SEZ6: variants seen among roughly 807,000 people sequenced by gnomAD.
The protein encoded by SEZ6 is seizure protein 6 homolog.
A neutral mutation model predicts 101.0 loss-of-function variants in SEZ6; 53 were observed. The ratio of observed to expected loss-of-function variants is 0.52; its 90% CI spans 0.42 to 0.66. The LOEUF (loss-of-function observed/expected upper bound fraction) is 0.66. SEZ6 is among the 30% of genes least tolerant of loss of function. SEZ6 has a pLI of 0.00. For missense variants in SEZ6, 1,102 were observed against 1,289.4 expected, an observed-to-expected ratio of 0.85 and a Z score of 2.23; for synonymous variants, 488 against 512.2, an observed-to-expected ratio of 0.95 and a Z score of 0.64.
Position 29,005,838 on chromosome 17 carries a change from G to T in SEZ6, c.32C>A (p.Ser11Ter). 6.7e-7 allele frequency: 1 copy of T among 1,486,370 alleles called. No individual in the cohort carries two copies. The highest frequency in any genetic ancestry group is 8.9e-7 in the Non-Finnish European group (1 of 1,118,902). The allele number at this position is 1,486,370 out of a possible 1,614,324, so 92.1% of individuals were successfully genotyped here. MRPVALLLLP[S>*]LLALLAHGLS... Reference sequence around the variant, plus strand: ...ACCGTGAGCCAGGAGCGCCAGCAGCGAGGGCAGGAGCAGCAGGGCTACCGG... The same window carrying T: ...ACCGTGAGCCAGGAGCGCCAGCAGCTAGGGCAGGAGCAGCAGGGCTACCGG... Residue 11 changes from serine (S) to a stop codon, truncating the protein, a stop_gained, in exon 1 of 17, where the codon TCG (serine) becomes TAG (stop). Coordinates refer to ENST00000317338, the MANE Select transcript of SEZ6 (RefSeq NM_178860.5). LOFTEE classifies it high-confidence loss of function. This position sits in a 1 kb window ranked among gnomAD's most constrained non-coding sequence, Gnocchi z 4.8.
At chr17:28,987,362 GC>G in intron 1 of SEZ6, among the ~76,000 whole-genome samples, 1 of 152,060 alleles carries the variant, frequency 6.6e-6, no homozygotes, top group East Asian at 1.9e-4. Flanking sequence ...GCCCAGCCCT[GC>G]CCTCTGTACT....
intron 14 of SEZ6, 54 bp downstream of exon 14, chr17:28,956,665 G>A (rs545443895): frequency 2.7e-5 from 42 of 1,550,374 alleles, no homozygotes; most frequent in African/African-American, 1.6e-4. Context: ...CCTGGGAGCC[G>A]TGAGAACCAG....
chr17:28,969,606 A>G (rs1184478256), intron 4 of SEZ6, 151 bp downstream of exon 4: 16 of 701,538 alleles, frequency 2.3e-5, no homozygotes, highest in Admixed American at 8.6e-5. Flanking sequence ...CTTACCTCCA[A>G]TTGTCCAGAG....
chr17:28,997,503 G>T (rs1249859670), intron 1 of SEZ6, among the ~76,000 whole-genome samples: 9 of 152,180 alleles, frequency 5.9e-5, no homozygotes, highest in Non-Finnish European at 1.0e-4. Context: ...CCTCTGCATT[G>T]CTAGTCTCAC....
intron 2 of SEZ6, among the ~76,000 whole-genome samples, 200 bp from the exon 3 acceptor site, chr17:28,980,013 T>A (rs1160260398): frequency 4.0e-5 from 6 of 151,706 alleles, no homozygotes; most frequent in Non-Finnish European, 2.9e-5. Flanking sequence ...AATCTTTTTT[T>A]TTTTTTTGTA....
Position 28,957,656 on chromosome 17 carries a change from C to T in SEZ6, c.2303-117G>A, listed in dbSNP as rs529832075. On this transcript the variant is annotated intron_variant, in intron 11 of 16. Coordinates refer to ENST00000317338, the MANE Select transcript of SEZ6 (RefSeq NM_178860.5). ...TCATGTCGTATGGGTCTACCCCCTA[C>T]GTATCTGTCCCTACCATTATGCTAG... 1.8e-4 allele frequency: 199 copies of T among 1,134,592 alleles called. No individual in the cohort carries two copies. The African/African-American group carries it at 2.6e-3, about 15-fold the overall frequency. 70.3% of individuals were successfully genotyped at this position (1,134,592 alleles called of 1,614,324 possible). A position where few individuals can be genotyped will look rare whatever the true frequency, so the allele number is the denominator to read the frequency against.
Position 29,005,935 on chromosome 17 carries a change from T to G in SEZ6, c.-66A>C. 1.0e-5 allele frequency: 12 copies of G among 1,191,060 alleles called. No individual in the cohort carries two copies. The highest frequency in any genetic ancestry group is 1.3e-5 in the Non-Finnish European group (12 of 907,104). The allele number at this position is 1,191,060 out of a possible 1,614,324, so 73.8% of individuals were successfully genotyped here. ...GGAGGGCGGGGGGCTTGGTGGGGCT[T>G]GGGCGCGGGGGCAGAGCCGGGTCCG... is the stretch of plus-strand genomic sequence containing the variant. On this transcript the variant is annotated 5_prime_UTR_variant, in exon 1 of 17. Transcript: ENST00000317338. This position sits in a 1 kb window ranked among gnomAD's most constrained non-coding sequence, Gnocchi z 4.8.
In SEZ6 at chr17:28,960,546, TCAG is replaced by T; in HGVS notation, c.1532_1534del (p.Thr511_Asp512delinsAsn). 6.3e-7 allele frequency: 1 copy of T among 1,593,740 alleles called. No homozygotes were observed. The highest frequency in any genetic ancestry group is 8.5e-7 in the Non-Finnish European group (1 of 1,170,592). On this transcript the variant is annotated inframe_deletion, in exon 7 of 17. Coordinates refer to ENST00000317338, the MANE Select transcript of SEZ6 (RefSeq NM_178860.5). ...CATGCCTGCAGCTGCCCCGCTGCTG[TCAG>T]TACTGAGCTCAACAAAGAAGTGTTT...
At chr17:28,998,404 G>T (rs1467983730) in intron 1 of SEZ6, among the ~76,000 whole-genome samples, 4 of 151,576 alleles carry the variant, frequency 2.6e-5, no homozygotes, top group Admixed American at 2.6e-4. Context: ...CAAGGTTCTG[G>T]CTGGGCCCTG....
At chr17:28,988,778 T>A (rs574283668) in intron 1 of SEZ6, among the ~76,000 whole-genome samples, 2 of 152,344 alleles carry the variant, frequency 1.3e-5, no homozygotes, top group East Asian at 3.9e-4. Context: ...TCCCAGAACA[T>A]GAGCCCTTGT....
Position 28,969,901 on chromosome 17 carries a change from C to G in SEZ6, c.910G>C (p.Gly304Arg), listed in dbSNP as rs369316261. ...GCCAGGGGCAGTGGGTCAGGCCCCC[C>G]CAGGCCTTCCACAGTCACTGTCTCC... ...EGETVTVEGLGGPDPLPLANQ... is the reference protein window; with the variant it reads ...EGETVTVEGLRGPDPLPLANQ... Residue 304 changes from glycine (G) to arginine (R), a missense_variant, in exon 4 of 17, where the codon GGG (glycine) becomes CGG (arginine). Coordinates refer to ENST00000317338, the MANE Select transcript of SEZ6 (RefSeq NM_178860.5). The G allele has an allele frequency of 1.9e-6, 3 of 1,546,492 alleles. No homozygotes were observed. The highest frequency in any genetic ancestry group is 2.6e-6 in the Non-Finnish European group (3 of 1,154,104).
intron 2 of SEZ6, 109 bp from the exon 3 acceptor site, chr17:28,979,922 TG>T: frequency 5.8e-6 from 6 of 1,028,084 alleles, no homozygotes; most frequent in Non-Finnish European, 7.9e-6. Context: ...TGTGTGTGTG[TG>T]TGGTGAAGAC....
rs2041680935 is a variant in SEZ6, at chr17:29,005,779, G to T, written c.55+36C>A. On this transcript the variant is annotated intron_variant, in intron 1 of 16. Transcript: ENST00000317338. The surrounding 1 kb of genome is among the most constrained non-coding windows in gnomAD (Gnocchi z 4.8). ...TTCCCACCCCTGGGGCCCCGCTCCC[G>T]CCCCCGTCCTGCCGCCGGATGCCGG... 2 of 1,473,818 alleles carry T rather than the reference G, an allele frequency of 1.4e-6. No homozygotes were observed. Among genetic ancestry groups the T allele is most frequent in the Non-Finnish European group, 9.0e-7 (1 of 1,111,746 alleles). The allele number at this position is 1,473,818 out of a possible 1,614,324, so 91.3% of individuals were successfully genotyped here.
At chr17:28,960,067 C>T (rs527734271) in intron 7 of SEZ6, among the ~76,000 whole-genome samples, 175 bp from the exon 8 acceptor site, 16 of 152,252 alleles carry the variant, frequency 1.1e-4, no homozygotes, top group Middle Eastern at 3.4e-3. Context: ...AGCATCCATC[C>T]CTATTATGCT....
chr17:28,974,350 T>C (rs550189854), intron 3 of SEZ6, among the ~76,000 whole-genome samples: 1 of 152,104 alleles, frequency 6.6e-6, no homozygotes, highest in Non-Finnish European at 1.5e-5. Flanking sequence ...CACGTGCACT[T>C]CCACCCCCTG....
chr17:28,957,362 G>A lies in SEZ6; in HGVS notation c.2480C>T (p.Ala827Val). The A allele has an allele frequency of 3.1e-6, 5 of 1,613,624 alleles. No homozygotes were observed. The highest frequency in any genetic ancestry group is 4.2e-6 in the Non-Finnish European group (5 of 1,179,620). ...TTGACACTTACGGAGACATTTAGGG[G>A]CCCGGTCACTCCACTTGGGGCTGCC... ...QAGSPKWSDR[A>V]PKCLLEQLKP... Residue 827 changes from alanine (A) to valine (V), a missense_variant, in exon 12 of 17, where the codon GCC (alanine) becomes GTC (valine). By Grantham distance (64) the Ala-to-Val change is moderately conservative. Around this residue, in one of 3 missense-constraint regions of SEZ6, gnomAD observed 556 missense variants for 735.1 expected, o/e 0.76. Transcript: ENST00000317338.
At chr17:28,986,626 C>T (rs764577806) in intron 1 of SEZ6, among the ~76,000 whole-genome samples, 30 of 152,244 alleles carry the variant, frequency 2.0e-4, no homozygotes, top group Non-Finnish European at 3.8e-4. Context: ...GGGGAACCGC[C>T]GAACCAGGCA....
In SEZ6 at chr17:28,955,344, G is replaced by T. The variant is rs1448508577; in HGVS notation, c.*618C>A. ...GCCCAGGGAAGCCCAACCTGAGGTGGGGGTAGGGTCCCCCTGAACCCCTTA... is the reference window on the plus strand; with the variant it reads ...GCCCAGGGAAGCCCAACCTGAGGTGTGGGTAGGGTCCCCCTGAACCCCTTA... On this transcript the variant is annotated 3_prime_UTR_variant, in exon 17 of 17. Coordinates refer to ENST00000317338, the MANE Select transcript of SEZ6 (RefSeq NM_178860.5). The T allele has an allele frequency of 1.2e-5, 3 of 260,488 alleles. No homozygotes were observed. Among genetic ancestry groups the T allele is most frequent in the Non-Finnish European group, 2.3e-5 (3 of 130,070 alleles). 16.1% of individuals were successfully genotyped at this position (260,488 alleles called of 1,614,324 possible).
At chr17:28,966,216 C>G (rs981350640) in intron 4 of SEZ6, among the ~76,000 whole-genome samples, 1 of 150,722 alleles carries the variant, frequency 6.6e-6, no homozygotes, top group Non-Finnish European at 1.5e-5. Context: ...CACGGTGGCT[C>G]ACACCTGTAA....
Sources: allele counts gnomAD v4.1 joint callset (sites outside exome capture counted in the v4.1 genomes callset), GRCh38; gene constraint gnomAD v4.1.1; regional missense constraint gnomAD v4.1.1; non-coding constraint Gnocchi (gnomAD v3.1); transcripts MANE v1.5; gene names NCBI Gene and HGNC (gene_info 2026-07-23, HGNC 2026-07-21).